The following ADAP1 variants were observed in gnomAD, a reference collection of about 807,000 sequenced individuals.
ADAP1 encodes the protein ArfGAP with dual PH domains 1.
A neutral mutation model predicts 54.9 loss-of-function variants in ADAP1; 31 were observed. That is an observed-to-expected ratio of 0.56 (90% CI 0.42 to 0.76). The LOEUF is 0.76. Ranked by LOEUF, ADAP1 falls within the 30% of genes least tolerant of loss-of-function variation. ADAP1 has a pLI of 0.00. For missense variants in ADAP1, 535 were observed against 512.4 expected, an observed-to-expected ratio of 1.04 and a Z score of -0.42; for synonymous variants, 313 against 202.6, an observed-to-expected ratio of 1.55 and a Z score of -4.63.
At chr7:911,600 CGGG>C (rs1478270652) in intron 4 of ADAP1, among the ~76,000 whole-genome samples, 5 of 124,602 alleles carry the variant, frequency 4.0e-5, no homozygotes, top group African/African-American at 1.5e-4. Flanking sequence ...AGGAAGGGGG[CGGG>C]GGTCCCACGG....
rs1020790886 is a variant in ADAP1, at chr7:898,566, G to A, written c.*355C>T. 1.3e-5 allele frequency: 5 copies of A among 397,636 alleles called. No homozygotes were observed. The East Asian group carries it at 2.8e-4, about 22-fold the overall frequency. The allele number at this position is 397,636 out of a possible 1,614,324, so 24.6% of individuals were successfully genotyped here. On this transcript the variant is annotated 3_prime_UTR_variant, in exon 11 of 11. Transcript: ENST00000265846. Reference sequence around the variant, plus strand: ...GGCCCCAAGCAGGGCTCTGCGCTGAGGCCTGGAAGTTCCCACAGCCGTGGT... The same window carrying A: ...GGCCCCAAGCAGGGCTCTGCGCTGAAGCCTGGAAGTTCCCACAGCCGTGGT...
chr7:949,452 C>T (rs1369104631), intron 1 of ADAP1, among the ~76,000 whole-genome samples: 1 of 152,278 alleles, frequency 6.6e-6, no homozygotes, highest in African/African-American at 2.4e-5. Context: ...TTGGCAAATG[C>T]CTCTGAGTCT....
chr7:941,040 TAAG>T (rs1171366971), intron 1 of ADAP1, among the ~76,000 whole-genome samples: 1 of 151,434 alleles, frequency 6.6e-6, no homozygotes, highest in Non-Finnish European at 1.5e-5. Flanking sequence ...CTCAGAAAAC[TAAG>T]AATAGAGGGG....
intron 4 of ADAP1, among the ~76,000 whole-genome samples, chr7:908,402 C>T (rs910109498): frequency 1.3e-5 from 2 of 152,176 alleles, no homozygotes; most frequent in Non-Finnish European, 2.9e-5. Context: ...GGGCCCTGGG[C>T]TGTCTTGGAT....
At chr7:904,952 C>G (rs1362191371) in intron 5 of ADAP1, 108 bp downstream of exon 5, 20 of 827,384 alleles carry the variant, frequency 2.4e-5, no homozygotes, top group South Asian at 3.4e-5. Context: ...TCGGGGGGGG[C>G]AGCAGGGAGG....
chr7:914,920 G>A (rs545384857), intron 4 of ADAP1, among the ~76,000 whole-genome samples: 1 of 152,006 alleles, frequency 6.6e-6, no homozygotes, highest in South Asian at 2.1e-4. Context: ...GGTGAGCCCT[G>A]CCCTGAGCAG....
chr7:935,741 T>A (rs543572681), intron 1 of ADAP1, among the ~76,000 whole-genome samples: 1 of 151,152 alleles, frequency 6.6e-6, no homozygotes, highest in Non-Finnish European at 1.5e-5. Context: ...AGGAAGCCGA[T>A]CTGCATGCAC....
At chr7:935,118 G>A (rs928664339) in intron 2 of ADAP1, 1 of 621,784 alleles carries the variant, frequency 1.6e-6, no homozygotes, top group Non-Finnish European at 3.1e-6. Flanking sequence ...TCGGCGACCC[G>A]CCTTCGCTCC....
chr7:923,040 G>T (rs6979036), intron 3 of ADAP1: 1 of 152,018 alleles, frequency 6.6e-6, no homozygotes, highest in Non-Finnish European at 1.5e-5. Flanking sequence ...CAACGTGCCC[G>T]GTGTCCTTAG....
At chr7:905,815 A>G (rs1583130943) in intron 4 of ADAP1, among the ~76,000 whole-genome samples, 1 of 29,564 alleles carries the variant, frequency 3.4e-5, no homozygotes, top group African/African-American at 9.9e-5. Context: ...GAGAAAGGAG[A>G]AGGGAGAAGG....
chr7:904,718 C>T (rs1011527064), intron 5 of ADAP1, among the ~76,000 whole-genome samples: 3 of 152,232 alleles, frequency 2.0e-5, no homozygotes, highest in Non-Finnish European at 4.4e-5. Context: ...GTCCAGTCTC[C>T]CCAGGGTACC....
chr7:905,327 T>G lies in ADAP1; in HGVS notation c.389-155A>C, dbSNP rs1182564581. On this transcript the variant is annotated intron_variant, in intron 4 of 10. Transcript: ENST00000265846. ...GGGAGACGGACGGGGAGAGGGGACA[T>G]GGAGGAGACAGGGAGATAGGAAGAT... is the stretch of plus-strand genomic sequence containing the variant. The G allele has an allele frequency of 1.6e-4, 61 of 373,152 alleles. 4 individuals carry two copies. Among genetic ancestry groups the G allele is most frequent in the African/African-American group, 1.8e-4 (5 of 28,282 alleles). The allele number at this position is 373,152 out of a possible 1,614,324, so 23.1% of individuals were successfully genotyped here.
chr7:899,276 C>A lies in ADAP1; in HGVS notation c.868-15G>T. 6.2e-7 allele frequency: 1 copy of A among 1,612,232 alleles called. No individual in the cohort carries two copies. The highest frequency in any genetic ancestry group is 1.3e-5 in the African/African-American group (1 of 75,038). On this transcript the variant is annotated splice_polypyrimidine_tract_variant and intron_variant, in intron 9 of 10. Coordinates refer to ENST00000265846, the MANE Select transcript of ADAP1 (RefSeq NM_006869.4). ...GCGAAGGCGTCCTGTGGGTGGGGAC[C>A]GCACTGGAGGCGGGGCCATGTCCCT...
chr7:914,763 G>C lies in ADAP1; in HGVS notation c.388+5205C>G, dbSNP rs571785280. Reference sequence around the variant, plus strand: ...GCATCTCACAGGGCCCTGGAACCCCGCCCTGCACAGCACCCAGAGACAGCA... The same window carrying C: ...GCATCTCACAGGGCCCTGGAACCCCCCCCTGCACAGCACCCAGAGACAGCA... On this transcript the variant is annotated intron_variant, in intron 4 of 10. Coordinates refer to ENST00000265846, the MANE Select transcript of ADAP1 (RefSeq NM_006869.4). 1.2e-3 allele frequency among the ~76,000 whole-genome samples: 181 copies of C among 152,312 alleles called. 1 individual carries two copies. The highest frequency in any genetic ancestry group is 6.2e-4 in the Non-Finnish European group (42 of 68,020).
chr7:923,899 TG>T (rs1583166226), intron 3 of ADAP1, among the ~76,000 whole-genome samples: 1 of 152,050 alleles, frequency 6.6e-6, no homozygotes. Context: ...AGAATCTTGG[TG>T]GGGGCAGACG....
chr7:908,657 A>C (rs1845578949), intron 4 of ADAP1, among the ~76,000 whole-genome samples: 1 of 151,856 alleles, frequency 6.6e-6, no homozygotes, highest in South Asian at 2.1e-4. Flanking sequence ...GGGTGTCCCC[A>C]CGGCTCTGCC....
chr7:955,309 G>C, upstream of ADAP1: 1 of 1,550,144 alleles, frequency 6.5e-7, no homozygotes, highest in South Asian at 1.2e-5. Context: ...CCAGACTCGC[G>C]TGCCCTTCCT....
In ADAP1 at chr7:904,382, C is replaced by A. The variant is rs566613834; in HGVS notation, c.502-110G>T. 2.1e-6 allele frequency: 3 copies of A among 1,410,340 alleles called. No individual in the cohort carries two copies. The African/African-American group carries it at 4.4e-5, about 21-fold the overall frequency. The allele number at this position is 1,410,340 out of a possible 1,614,324, so 87.4% of individuals were successfully genotyped here. On this transcript the variant is annotated intron_variant, in intron 5 of 10. Transcript: ENST00000265846. Reference sequence around the variant, plus strand: ...GCGGCGCACCTGCTGTGCTGTGTGGCTTTGGGCAAGTTACTTAAGCGCTCT... The same window carrying A: ...GCGGCGCACCTGCTGTGCTGTGTGGATTTGGGCAAGTTACTTAAGCGCTCT...
At chr7:928,472 G>A (rs1846461139) in intron 2 of ADAP1, among the ~76,000 whole-genome samples, 1 of 152,238 alleles carries the variant, frequency 6.6e-6, no homozygotes, top group Non-Finnish European at 1.5e-5. Context: ...TGGAGGTGGG[G>A]TTCCACTCTG....
Sources: gnomAD v4.1 joint callset for allele counts (sites outside exome capture counted in the v4.1 genomes callset) on GRCh38, gnomAD v4.1.1 for gene constraint, MANE v1.5 for transcripts, NCBI Gene and HGNC (gene_info 2026-07-23, HGNC 2026-07-21) for gene names.